Variants in ARHGAP6 observed in about 807,000 individuals in gnomAD.
ARHGAP6 encodes the protein Rho GTPase activating protein 6.
In ARHGAP6, 16 loss-of-function variants were observed where a neutral mutation model predicts 55.7. The ratio of observed to expected loss-of-function variants is 0.29; its 90% confidence interval spans 0.19 to 0.44. ARHGAP6 has a LOEUF of 0.44. ARHGAP6 is among the 20% of genes least tolerant of loss of function. The pLI, the probability that ARHGAP6 is intolerant of heterozygous loss-of-function variation, is 1.00. For synonymous variants in ARHGAP6, 382 were observed against 360.9 expected, an observed-to-expected ratio of 1.06 and a Z score of -0.66; for missense variants, 698 against 808.9, an observed-to-expected ratio of 0.86 and a Z score of 1.66.
intron 1 of ARHGAP6, among the ~76,000 whole-genome samples, chrX:11,435,488 A>T (rs2049979003): frequency 8.9e-6 from 1 of 112,217 alleles, no homozygotes; most frequent in Non-Finnish European, 1.9e-5. Context: ...GACCATGGGC[A>T]TCAGCATCAC....
At chrX:11,508,277 C>A (rs2050753278) in intron 1 of ARHGAP6, among the ~76,000 whole-genome samples, 1 of 111,351 alleles carries the variant, frequency 9.0e-6, no homozygotes, top group African/African-American at 3.3e-5. Flanking sequence ...CCACCTCAGC[C>A]TCCCAAGTAG....
chrX:11,158,728 T>C (rs1294774279), intron 9 of ARHGAP6, among the ~76,000 whole-genome samples: 1 of 112,302 alleles, frequency 8.9e-6, no homozygotes, highest in Non-Finnish European at 1.9e-5. Context: ...CAAGCTCTAC[T>C]TCAGCACCAC....
chrX:11,547,395 T>C (rs2051222117), intron 1 of ARHGAP6, among the ~76,000 whole-genome samples: 1 of 112,141 alleles, frequency 8.9e-6, no homozygotes, highest in Admixed American at 9.4e-5. Context: ...TCTGCATTTC[T>C]AATTATCTCC....
chrX:11,400,994 T>C (rs899373100), intron 1 of ARHGAP6, among the ~76,000 whole-genome samples: 1 of 112,659 alleles, frequency 8.9e-6, no homozygotes, highest in East Asian at 2.8e-4. Context: ...TGGTGTTGCA[T>C]AGCAGAATTG....
intron 1 of ARHGAP6, among the ~76,000 whole-genome samples, chrX:11,454,062 G>A (rs5935067): frequency 9.1e-6 from 1 of 109,320 alleles, no homozygotes; most frequent in African/African-American, 3.3e-5. Flanking sequence ...TCTTGCCTTA[G>A]CTTCCCGAGT....
intron 1 of ARHGAP6, among the ~76,000 whole-genome samples, chrX:11,643,759 T>A (rs1324684911): frequency 9.0e-6 from 1 of 111,401 alleles, no homozygotes; most frequent in Non-Finnish European, 1.9e-5. Context: ...CAAGTGACAG[T>A]GCATAGTTTC....
At chrX:11,562,857 C>T (rs2051401141) in intron 1 of ARHGAP6, among the ~76,000 whole-genome samples, 1 of 111,941 alleles carries the variant, frequency 8.9e-6, no homozygotes, top group African/African-American at 3.2e-5. Context: ...TTTGCAAACT[C>T]ACGCCTCCTA....
At chrX:11,635,386 T>C (rs2052406858) in intron 1 of ARHGAP6, among the ~76,000 whole-genome samples, 1 of 111,818 alleles carries the variant, frequency 8.9e-6, no homozygotes, top group South Asian at 3.6e-4. Context: ...TTTTTTTGTA[T>C]TCTATGAGAT....
At chrX:11,413,882 T>C (rs2049717204) in intron 1 of ARHGAP6, among the ~76,000 whole-genome samples, 1 of 112,115 alleles carries the variant, frequency 8.9e-6, no homozygotes, top group Non-Finnish European at 1.9e-5. Flanking sequence ...TGCAGATGCA[T>C]CTTCTTATTC....
chrX:11,606,624 G>A (rs374549621), intron 1 of ARHGAP6, among the ~76,000 whole-genome samples: 2 of 111,510 alleles, frequency 1.8e-5, no homozygotes, highest in Non-Finnish European at 3.8e-5. Context: ...ACAGTCCAGG[G>A]AACACATAGG....
intron 1 of ARHGAP6, among the ~76,000 whole-genome samples, chrX:11,499,393 G>GT (rs770214290): frequency 1.6e-4 from 17 of 104,588 alleles, no homozygotes; most frequent in African/African-American, 5.5e-4. Context: ...CAGGCAAGCA[G>GT]TTTTTTTTCC....
intron 1 of ARHGAP6, among the ~76,000 whole-genome samples, chrX:11,480,699 CT>C (rs780628592): frequency 8.9e-6 from 1 of 112,115 alleles, no homozygotes; most frequent in South Asian, 3.7e-4. Flanking sequence ...TCCCCCCAGT[CT>C]TTTTTAGTTG....
chrX:11,650,014 A>T (rs1395753385), intron 1 of ARHGAP6, among the ~76,000 whole-genome samples: 2 of 100,032 alleles, frequency 2.0e-5, no homozygotes, highest in African/African-American at 7.4e-5. Context: ...TTTTTTCCTA[A>T]GACAGAGTCA....
intron 10 of ARHGAP6, among the ~76,000 whole-genome samples, chrX:11,152,528 CTGTTATGTCCAGGTCCTGG>C (rs1334715431): frequency 1.8e-5 from 2 of 111,823 alleles, no homozygotes; most frequent in Non-Finnish European, 3.8e-5. Flanking sequence ...AACATATTTA[CTGTTATGTCCAGGTCCTGG>C]TGCAAGCTCC....
intron 1 of ARHGAP6, among the ~76,000 whole-genome samples, chrX:11,444,905 A>G (rs2050077556): frequency 8.9e-6 from 1 of 112,067 alleles, no homozygotes; most frequent in African/African-American, 3.2e-5. Context: ...CACCAAAGGA[A>G]TGACTGCTTT....
intron 9 of ARHGAP6, 136 bp from the exon 10 acceptor site, chrX:11,156,762 C>A: frequency 2.1e-6 from 1 of 472,630 alleles, no homozygotes; most frequent in South Asian, 3.4e-5. Flanking sequence ...TGGTTAAAAC[C>A]AAACCTACGC....
At chrX:11,362,622 T>C (rs12388118) in intron 1 of ARHGAP6, among the ~76,000 whole-genome samples, 20,539 of 108,205 alleles carry the variant, frequency 0.19, 1,687 homozygotes, top group Middle Eastern at 0.34. Flanking sequence ...AACCTGCACA[T>C]TGTGCATATG....
chrX:11,566,803 A>G (rs1040533398), intron 1 of ARHGAP6, among the ~76,000 whole-genome samples: 1 of 112,733 alleles, frequency 8.9e-6, no homozygotes, highest in African/African-American at 3.2e-5. Context: ...ATTGCAAAGC[A>G]TAACAAAAGC....
chrX:11,191,113 G>A (rs1312642578), intron 3 of ARHGAP6, among the ~76,000 whole-genome samples: 7 of 112,859 alleles, frequency 6.2e-5, no homozygotes, highest in East Asian at 2.8e-4. Flanking sequence ...TATAAATAGC[G>A]TTCAGCAATT....
Sources: gnomAD v4.1 joint callset for allele counts (sites outside exome capture counted in the v4.1 genomes callset) on GRCh38, gnomAD v4.1.1 for gene constraint, MANE v1.5 for transcripts, NCBI Gene and HGNC (gene_info 2026-07-23, HGNC 2026-07-21) for gene names.